The following IGSF1 variants were observed in gnomAD, a reference collection of about 807,000 sequenced individuals.
IGSF1 encodes the protein immunoglobulin superfamily member 1, also known as immunoglobulin-like domain-containing protein 1.
Under a neutral mutation model 95.3 loss-of-function variants are expected in IGSF1, and 40 were observed. The ratio of observed to expected loss-of-function variants is 0.42; its 90% CI spans 0.33 to 0.55. The LOEUF (loss-of-function observed/expected upper bound fraction) is 0.55, where lower values mean the gene tolerates loss of function less well. IGSF1 is among the 20% of genes least tolerant of loss of function. The pLI is 0.10. For synonymous variants in IGSF1, 372 were observed against 382.9 expected, an observed-to-expected ratio of 0.97 and a Z score of 0.33; for missense variants, 906 against 1,025.4, an observed-to-expected ratio of 0.88 and a Z score of 1.59.
At chrX:131,280,759 A>G (rs2080546587) in intron 9 of IGSF1, among the ~76,000 whole-genome samples, 1 of 110,123 alleles carries the variant, frequency 9.1e-6, no homozygotes, top group Non-Finnish European at 1.9e-5. Flanking sequence ...ACTGGTTACT[A>G]AGGCAACTAG....
intron 1 of IGSF1, among the ~76,000 whole-genome samples, chrX:131,287,087 GTA>G (rs1491069845): frequency 9.5e-6 from 1 of 105,569 alleles, no homozygotes; most frequent in Non-Finnish European, 1.9e-5. Flanking sequence ...GTTTATATAC[GTA>G]TATATATGTG....
chrX:131,279,154 A>G lies in IGSF1; in HGVS notation c.1739T>C (p.Ile580Thr), dbSNP rs757757701. ...CAGGAAAAACTCACCAGTCTCTTCT[A>G]TCAATACCCCATTGCACAGTCCTGC... ...LCCGLCNGVL[I>T]EETEIVMPTP... Residue 580 changes from isoleucine to threonine, a missense_variant, in exon 11 of 20, where the codon ATA (isoleucine) becomes ACA (threonine). Physicochemically the swap from Ile to Thr is moderately conservative, Grantham distance 89. Coordinates refer to ENST00000361420, the MANE Select transcript of IGSF1 (RefSeq NM_001555.5). The G allele has an allele frequency of 5.0e-6, 6 of 1,208,464 alleles. No homozygotes were observed. The highest frequency in any genetic ancestry group is 2.2e-5 in the Admixed American group (1 of 45,839).
rs763289052 is a variant in IGSF1, at chrX:131,281,663, C to A, written c.1525+3G>T. 3 of 1,207,450 alleles carry A rather than the reference C, an allele frequency of 2.5e-6. No individual in the cohort carries two copies. In the South Asian group the frequency reaches 5.3e-5, roughly 21 times the overall value. On this transcript the variant is annotated splice_donor_region_variant and intron_variant, in intron 8 of 19. Transcript: ENST00000361420. ...GCATTCCTCTGAAGAGTTATCCTCT[C>A]ACCTGCTGGCCCCATCAGCTTCAGG... is the stretch of plus-strand genomic sequence containing the variant.
intron 3 of IGSF1, 87 bp from the exon 4 acceptor site, chrX:131,286,135 C>T (rs967072270): frequency 1.6e-5 from 14 of 877,635 alleles, no homozygotes; most frequent in Admixed American, 1.2e-4. Flanking sequence ...AAAATTAGCC[C>T]GGACCCAGAT....
Position 131,286,671 on chromosome X carries a change from T to A in IGSF1, c.4A>T (p.Thr2Ser). The A allele has an allele frequency of 8.6e-7, 1 of 1,161,363 alleles. No individual in the cohort carries two copies. Among genetic ancestry groups the A allele is most frequent in the East Asian group, 3.1e-5 (1 of 31,772 alleles). The change falls in exon 2 of 20, where the codon ACC (threonine) becomes TCC (serine). Residue 2 changes from threonine (T) to serine (S), a missense_variant. By Grantham distance (58) the Thr-to-Ser change is moderately conservative. Transcript: ENST00000361420. The part of the protein sequence containing the change: M[T>S]LDRPGEGATM... ...GCCCCCTCCCCTGGTCTGTCCAGGGTCATGGGGCCTCTGGTGCTGGCTGTG... is the reference window on the plus strand; with the variant it reads ...GCCCCCTCCCCTGGTCTGTCCAGGGACATGGGGCCTCTGGTGCTGGCTGTG...
Position 131,278,471 on chromosome X carries a change from C to T in IGSF1, c.2031G>A (p.Leu677=). 1.5e-5 allele frequency: 18 copies of T among 1,198,249 alleles called. No homozygotes were observed. The highest frequency in any genetic ancestry group is 1.8e-5 in the South Asian group (1 of 54,935). Reference sequence around the variant, plus strand: ...TCTACATTTTCTTACCTGTCCCCACCAGCTCAAGTGCCTCACTGGGCTCCG... The same window carrying T: ...TCTACATTTTCTTACCTGTCCCCACTAGCTCAAGTGCCTCACTGGGCTCCG... The part of the protein sequence containing the change: ...AVSEPSEALE[L]VGTDILPKPV... Residue 677 remains leucine (L), a synonymous_variant, in exon 12 of 20, where the codon CTG becomes CTA. Transcript: ENST00000361420.
At chrX:131,284,960 G>T in intron 5 of IGSF1, 1 of 743,623 alleles carries the variant, frequency 1.3e-6, no homozygotes. Context: ...CCAGTTGGCT[G>T]GGCTCCTTTA....
chrX:131,278,577 C>T lies in IGSF1; in HGVS notation c.1925G>A (p.Arg642Gln), dbSNP rs1452430983. The change falls in exon 12 of 20, where the codon CGG becomes CAG. Residue 642 changes from arginine (R) to glutamine (Q), a missense_variant. This residue lies in a region of IGSF1 where 40 missense variants were observed against 33.4 expected (regional missense o/e 1.20). Transcript: ENST00000361420. Reference protein sequence around the residue: ...IATRPASEQVRAAFPLGALTQ... With the variant: ...IATRPASEQVQAAFPLGALTQ... ...CAGGGCGCCAAGGGGGAAGGCAGCC[C>T]GGACCTGCTCTGAGGCCGGGCGAGT... 10 of 1,209,919 alleles carry T rather than the reference C, an allele frequency of 8.3e-6. No individual in the cohort carries two copies. The highest frequency in any genetic ancestry group is 8.9e-6 in the Non-Finnish European group (8 of 894,954).
At chrX:131,281,548 C>T in intron 8 of IGSF1, 118 bp downstream of exon 8, 1 of 944,260 alleles carries the variant, frequency 1.1e-6, no homozygotes, top group South Asian at 2.4e-5. Flanking sequence ...GGGAAGGGTG[C>T]TGAAACCCAA....
Position 131,278,695 on chromosome X carries a change from C to A in IGSF1, c.1807G>T (p.Ala603Ser), listed in dbSNP as rs1418858818. Reference sequence around the variant, plus strand: ...CAGAGGGTTAAGTTCTTCCACGGGGCCAGAGGAAAGTTGGTCTCTGCCCAC... The same window carrying A: ...CAGAGGGTTAAGTTCTTCCACGGGGACAGAGGAAAGTTGGTCTCTGCCCAC... ...ELWAETNFPLAPWKNLTLWCR... is the reference protein window; with the variant it reads ...ELWAETNFPLSPWKNLTLWCR... The change falls in exon 12 of 20, where the codon GCC (alanine) becomes TCC (serine). Residue 603 changes from alanine (A) to serine (S), a missense_variant. By Grantham distance (99) the Ala-to-Ser change is moderately conservative. This residue lies in a region of IGSF1 where 3 missense variants were observed against 16.8 expected (regional missense o/e 0.18). Coordinates refer to ENST00000361420, the MANE Select transcript of IGSF1 (RefSeq NM_001555.5). 1 of 1,209,067 alleles carries A rather than the reference C, an allele frequency of 8.3e-7. No individual in the cohort carries two copies. Among genetic ancestry groups the A allele is most frequent in the Non-Finnish European group, 1.1e-6 (1 of 894,241 alleles).
chrX:131,282,990 G>T lies in IGSF1; in HGVS notation c.942C>A (p.Ile314=). 4 of 1,202,575 alleles carry T rather than the reference G, an allele frequency of 3.3e-6. No homozygotes were observed. The highest frequency in any genetic ancestry group is 4.5e-6 in the Non-Finnish European group (4 of 887,334). The stretch of plus-strand genomic sequence containing the variant: ...ATACCCGTCTCTTACCAGTCACCCA[G>T]ATTTTCAGGACATCACTAAGGAGTG... ...RGSLLSDVLK[I]WVTDTFPKTW... is the part of the protein sequence containing the mutation. Residue 314 remains isoleucine, a synonymous_variant, in exon 6 of 20, where the codon ATC becomes ATA. Transcript: ENST00000361420.
At position 131,278,762 on chromosome X, in the gene IGSF1, C is replaced by A; in HGVS notation, c.1751-11G>T. On this transcript the variant is annotated splice_polypyrimidine_tract_variant and intron_variant, in intron 11 of 19. Transcript: ENST00000361420. Reference sequence around the variant, plus strand: ...TTGGCATGACTATTTCTAGAAACAGCAGAATTAATGAAGCCATCCTCCCGC... The same window carrying A: ...TTGGCATGACTATTTCTAGAAACAGAAGAATTAATGAAGCCATCCTCCCGC... 1 of 1,200,939 alleles carries A rather than the reference C, an allele frequency of 8.3e-7. No individual in the cohort carries two copies. The highest frequency in any genetic ancestry group is 1.1e-6 in the Non-Finnish European group (1 of 888,141).
At chrX:131,288,952 T>C (rs943018444) in intron 1 of IGSF1, 6 of 234,940 alleles carry the variant, frequency 2.6e-5, no homozygotes, top group Non-Finnish European at 4.0e-5. Flanking sequence ...GGGTACATGC[T>C]CAGCTGAGGG....
intron 15 of IGSF1, 93 bp downstream of exon 15, chrX:131,275,868 C>G: frequency 1.9e-5 from 22 of 1,147,849 alleles, no homozygotes; most frequent in Non-Finnish European, 2.6e-5. Context: ...TAGTTCCCCT[C>G]CGTGGCCTAG....
At chrX:131,286,286 T>G in intron 3 of IGSF1, 151 bp downstream of exon 3, 1 of 546,880 alleles carries the variant, frequency 1.8e-6, no homozygotes, top group South Asian at 3.0e-5. Context: ...ATAAAGCTTT[T>G]TCACCATGCC....
chrX:131,279,199 ACT>A (rs2080518964), intron 10 of IGSF1, 24 bp from the exon 11 acceptor site: 1 of 1,208,399 alleles, frequency 8.3e-7, no homozygotes, highest in African/African-American at 1.8e-5. Context: ...TGCTGCCAGG[ACT>A]CGGCCCCCTC....
At chrX:131,277,719 C>A (rs919505069) in intron 13 of IGSF1, 137 bp downstream of exon 13, 4 of 673,008 alleles carry the variant, frequency 5.9e-6, no homozygotes, top group East Asian at 3.3e-5. Context: ...CAGCGCCACG[C>A]CTGCCTGGCT....
intron 1 of IGSF1, chrX:131,289,011 G>T (rs2080681931): frequency 3.7e-6 from 1 of 273,740 alleles, no homozygotes; most frequent in Admixed American, 4.1e-5. Flanking sequence ...ACAGTGCCCA[G>T]AGATTCTCAC....
chrX:131,277,055 G>A lies in IGSF1; in HGVS notation c.2492C>T (p.Ala831Val). 8.3e-7 allele frequency: 1 copy of A among 1,210,916 alleles called. No homozygotes were observed. Among genetic ancestry groups the A allele is most frequent in the Non-Finnish European group, 1.1e-6 (1 of 895,029 alleles). ...DRSWASPGASAAHFLIISVGI... is the reference protein window; with the variant it reads ...DRSWASPGASVAHFLIISVGI... The stretch of plus-strand genomic sequence containing the variant: ...CACCGAAATGATTAGAAAGTGAGCT[G>A]CACTGGCCCCCGGACTTGCCCAGGA... The change falls in exon 14 of 20, where the codon GCA (alanine) becomes GTA (valine). Residue 831 changes from alanine to valine, a missense_variant. Coordinates refer to ENST00000361420, the MANE Select transcript of IGSF1 (RefSeq NM_001555.5).
Sources: gnomAD v4.1 joint callset for allele counts (sites outside exome capture counted in the v4.1 genomes callset) on GRCh38, gnomAD v4.1.1 for gene constraint, gnomAD v4.1.1 regional missense constraint, MANE v1.5 for transcripts, NCBI Gene and HGNC (gene_info 2026-07-23, HGNC 2026-07-21) for gene names.